The following NME2 variants were observed in gnomAD, a reference collection of about 807,000 sequenced individuals.
NME2 encodes nucleoside diphosphate kinase B.
NME2 carries 18 observed loss-of-function variants against 17.8 expected under a neutral mutation model. The observed-to-expected ratio is 1.01, with a 90% CI of 0.70 to 1.50. The LOEUF (loss-of-function observed/expected upper bound fraction) is 1.50. Ranked by LOEUF, NME2 falls within the 40% of genes most tolerant of loss-of-function variation. NME2 has a pLI of 0.00. For missense variants in NME2, 161 were observed against 195.6 expected (o/e 0.82, Z 1.05); for synonymous variants, 74 against 71.4 (o/e 1.04, Z -0.19).
chr17:51,170,172 G>A (rs2050040566), intron 4 of NME2, 123 bp downstream of exon 4: 1 of 752,076 alleles, frequency 1.3e-6, no homozygotes, highest in Non-Finnish European at 2.0e-6. Flanking sequence ...TTGAGACGGA[G>A]TCTCCTTCTG....
chr17:51,166,281 A>C (rs1167169016), upstream of NME2: 2 of 152,156 alleles, frequency 1.3e-5, no homozygotes, highest in Admixed American at 6.5e-5. Context: ...CTGCCTGGCG[A>C]GGGCGCGCCC....
At chr17:51,166,658 C>T (rs2049945257) in intron 1 of NME2, 161 bp downstream of exon 1, 3 of 564,964 alleles carry the variant, frequency 5.3e-6, no homozygotes, top group Non-Finnish European at 7.6e-6. Context: ...CGCGGGCCTT[C>T]GGGCTCCGCA....
Position 51,166,850 on chromosome 17 carries a change from C to T in NME2, c.20C>T (p.Thr7Ile). 6.2e-7 allele frequency: 1 copy of T among 1,613,430 alleles called. No individual in the cohort carries two copies. Among genetic ancestry groups the T allele is most frequent in the African/African-American group, 1.3e-5 (1 of 75,022 alleles). MANLERTFIAIKPDGVQ... is the reference protein window; with the variant it reads MANLERIFIAIKPDGVQ... ...AGGACCATGGCCAACCTGGAGCGCA[C>T]CTTCATCGCCATCAAGCCGGACGGC... Residue 7 changes from threonine to isoleucine, a missense_variant, in exon 2 of 5, where the codon ACC (threonine) becomes ATC (isoleucine). Physicochemically the swap from Thr to Ile is moderately conservative, Grantham distance 89 (BLOSUM62 -1). Coordinates refer to ENST00000512737, the MANE Select transcript of NME2 (RefSeq NM_002512.4).
chr17:51,170,883 TGTA>T (rs1475816587), intron 4 of NME2, among the ~76,000 whole-genome samples: 4 of 152,030 alleles, frequency 2.6e-5, no homozygotes, highest in African/African-American at 7.2e-5. Flanking sequence ...GTAATTCCTG[TGTA>T]GTACAGCAAA....
At chr17:51,167,302 A>G in intron 2 of NME2, 2 of 339,792 alleles carry the variant, frequency 5.9e-6, no homozygotes, top group Non-Finnish European at 1.1e-5. Context: ...ACCTAGGCAC[A>G]GAATGGAGGC....
chr17:51,167,012 C>T, intron 2 of NME2, 56 bp downstream of exon 2: 1 of 1,608,662 alleles, frequency 6.2e-7, no homozygotes, highest in Non-Finnish European at 8.5e-7. Flanking sequence ...GTGTTTTTCC[C>T]TCCCGGCGGC....
intron 1 of NME2, 134 bp downstream of exon 1, chr17:51,166,631 C>T (rs1231384354): frequency 9.8e-6 from 4 of 407,926 alleles, no homozygotes; most frequent in Non-Finnish European, 1.6e-5. Flanking sequence ...CGGGAGATTC[C>T]CTTGCAGCTT....
At chr17:51,167,585 T>C (rs978802465) in intron 2 of NME2, among the ~76,000 whole-genome samples, 12 of 152,224 alleles carry the variant, frequency 7.9e-5, no homozygotes, top group African/African-American at 2.7e-4. Context: ...ACATATGTAC[T>C]TCAGTTGCAG....
upstream of NME2, chr17:51,166,397 G>A: frequency 6.5e-6 from 1 of 152,876 alleles, no homozygotes; most frequent in Non-Finnish European, 1.5e-5. Flanking sequence ...CCCGCGCTCC[G>A]CCCTGCGCCC....
At chr17:51,166,768 C>A in intron 1 of NME2, 59 bp from the exon 2 acceptor site, 1 of 1,490,408 alleles carries the variant, frequency 6.7e-7, no homozygotes, top group Non-Finnish European at 8.9e-7. Flanking sequence ...GCCCACGTGG[C>A]CTCCGCGGGC....
At position 51,167,069 on chromosome 17, in the gene NME2, C is replaced by T. The variant is rs946030420; in HGVS notation, c.126+113C>T. On this transcript the variant is annotated intron_variant, in intron 2 of 4. Transcript: ENST00000512737. Reference sequence around the variant, plus strand: ...CGAGTTCATTTCGCTGCCGCGAAATCCCTTTGCCCTCTGCCCCCGCCCACG... The same window carrying T: ...CGAGTTCATTTCGCTGCCGCGAAATTCCTTTGCCCTCTGCCCCCGCCCACG... 4 of 1,588,070 alleles carry T rather than the reference C, an allele frequency of 2.5e-6. No homozygotes were observed. The African/African-American group carries it at 4.1e-5, about 16-fold the overall frequency.
At chr17:51,166,797 C>G (rs777675067) in intron 1 of NME2, 30 bp from the exon 2 acceptor site, 7 of 1,584,026 alleles carry the variant, frequency 4.4e-6, no homozygotes, top group Non-Finnish European at 5.1e-6. Flanking sequence ...AGCCTGCGCC[C>G]GGGCCCTGAC....
At chr17:51,168,079 A>T (rs1348349267) in intron 2 of NME2, 163 bp from the exon 3 acceptor site, 11 of 455,682 alleles carry the variant, frequency 2.4e-5, no homozygotes, top group Non-Finnish European at 4.3e-5. Flanking sequence ...GATTTAAAAA[A>T]TATTTATGTG....
intron 2 of NME2, chr17:51,167,182 G>C (rs1347084204): frequency 5.9e-6 from 6 of 1,010,892 alleles, no homozygotes; most frequent in African/African-American, 1.7e-5. Flanking sequence ...CTCGCCCTCC[G>C]GGTTTGGGTT....
In NME2 at chr17:51,166,911, C is replaced by T; in HGVS notation, c.81C>T (p.Arg27=). Residue 27 remains arginine (R), a synonymous_variant, in exon 2 of 5, where the codon CGC becomes CGT. Transcript: ENST00000512737. The part of the protein sequence containing the change: ...QRGLVGEIIK[R]FEQKGFRLVA... ...GCCTGGTGGGCGAGATCATCAAGCGCTTCGAGCAGAAGGGATTCCGCCTCG... is the reference window on the plus strand; with the variant it reads ...GCCTGGTGGGCGAGATCATCAAGCGTTTCGAGCAGAAGGGATTCCGCCTCG... The T allele has an allele frequency of 6.2e-7, 1 of 1,613,834 alleles. No homozygotes were observed. The highest frequency in any genetic ancestry group is 8.5e-7 in the Non-Finnish European group (1 of 1,179,866).
intron 2 of NME2, 163 bp downstream of exon 2, chr17:51,167,119 C>T: frequency 1.4e-6 from 2 of 1,456,238 alleles, no homozygotes; most frequent in Non-Finnish European, 1.8e-6. Context: ...CCGACCCTTT[C>T]CCGGGGTGGT....
Position 51,171,497 on chromosome 17 carries a change from C to G in NME2, c.352C>G (p.His118Asp), listed in dbSNP as rs1373889007. The G allele has an allele frequency of 6.2e-7, 1 of 1,613,262 alleles. No individual in the cohort carries two copies. The highest frequency in any genetic ancestry group is 8.5e-7 in the Non-Finnish European group (1 of 1,179,540). Residue 118 changes from histidine to aspartate, a missense_variant, in exon 5 of 5, where the codon CAT (histidine) becomes GAT (aspartate). Coordinates refer to ENST00000512737, the MANE Select transcript of NME2 (RefSeq NM_002512.4). ...TGTTTTCTTTCTTAGGAACATCATT[C>G]ATGGCAGTGATTCAGTAAAAAGTGC... ...FCIQVGRNII[H>D]GSDSVKSAEK...
At chr17:51,168,174 G>A in intron 2 of NME2, 68 bp from the exon 3 acceptor site, 3 of 1,510,734 alleles carry the variant, frequency 2.0e-6, no homozygotes, top group Admixed American at 3.7e-5. Context: ...TTGCTAATGG[G>A]AGGTTCAGAG....
Position 51,170,042 on chromosome 17 carries a change from G to C in NME2, c.334G>C (p.Val112Leu). 6.2e-7 allele frequency: 1 copy of C among 1,607,286 alleles called. No homozygotes were observed. Among genetic ancestry groups the C allele is most frequent in the Non-Finnish European group, 8.5e-7 (1 of 1,177,112 alleles). ...CATTCGTGGGGACTTCTGCATTCAG[G>C]TTGGCAGGTAAGTCCGGGGACAGGA... The part of the protein sequence containing the change: ...GTIRGDFCIQ[V>L]GRNIIHGSDS... Residue 112 changes from valine to leucine, a missense_variant, in exon 4 of 5, where the codon GTT (valine) becomes CTT (leucine). Transcript: ENST00000512737.
Sources: allele counts gnomAD v4.1 joint callset (sites outside exome capture counted in the v4.1 genomes callset), GRCh38; gene constraint gnomAD v4.1.1; transcripts MANE v1.5; gene names NCBI Gene and HGNC (gene_info 2026-07-23, HGNC 2026-07-21).